Variants in CTNNA2 observed in about 807,000 individuals in gnomAD.
CTNNA2 encodes catenin alpha-2.
In CTNNA2, 42 loss-of-function variants were observed where a neutral mutation model predicts 101.0. That is an observed-to-expected ratio of 0.42 (90% CI 0.32 to 0.54). The LOEUF is 0.54. Among genes scored for constraint, CTNNA2 ranks in the 20% least tolerant of loss-of-function variants. CTNNA2 has a pLI of 0.14. For missense variants in CTNNA2, 871 were observed against 1,223.1 expected, an observed-to-expected ratio of 0.71 and a Z score of 4.29; for synonymous variants, 450 against 456.4, an observed-to-expected ratio of 0.99 and a Z score of 0.18.
At chr2:79,911,247 G>A (rs768420760) in intron 7 of CTNNA2, among the ~76,000 whole-genome samples, 39 of 152,234 alleles carry the variant, frequency 2.6e-4, no homozygotes, top group Non-Finnish European at 4.9e-4. Context: ...TTGTTTGTTC[G>A]TTGTTGTTGT....
chr2:79,772,761 C>T (rs935678983), intron 3 of CTNNA2, among the ~76,000 whole-genome samples: 1 of 152,138 alleles, frequency 6.6e-6, no homozygotes, highest in Non-Finnish European at 1.5e-5. Flanking sequence ...GACAGGGTCT[C>T]ACTATGTTGT....
chr2:80,121,889 A>G (rs1191579260), intron 7 of CTNNA2, among the ~76,000 whole-genome samples: 1 of 152,188 alleles, frequency 6.6e-6, no homozygotes, highest in Non-Finnish European at 1.5e-5. Flanking sequence ...TTGGAAGATC[A>G]GACATGCCCC....
chr2:79,537,821 T>A (rs577648113), intron 1 of CTNNA2, among the ~76,000 whole-genome samples: 4 of 151,774 alleles, frequency 2.6e-5, no homozygotes, highest in African/African-American at 9.7e-5. Flanking sequence ...AAGAGAAAGT[T>A]ATGCATACAA....
intron 7 of CTNNA2, among the ~76,000 whole-genome samples, chr2:80,368,417 T>G (rs992123629): frequency 6.6e-6 from 1 of 152,156 alleles, no homozygotes; most frequent in Non-Finnish European, 1.5e-5. Flanking sequence ...CTAATTCCCA[T>G]CATATAATCT....
At chr2:80,313,360 G>A (rs1677783333) in intron 7 of CTNNA2, 2 of 1,351,316 alleles carry the variant, frequency 1.5e-6, no homozygotes, top group South Asian at 3.9e-5. Context: ...TTGTAAGTCA[G>A]ATGGAATTTT....
chr2:79,638,076 G>C (rs1018738664), intron 1 of CTNNA2, among the ~76,000 whole-genome samples: 1 of 152,126 alleles, frequency 6.6e-6, no homozygotes, highest in Non-Finnish European at 1.5e-5. Context: ...CAGCATACCA[G>C]GACTTGATGA....
intron 4 of CTNNA2, among the ~76,000 whole-genome samples, chr2:79,384,395 TC>T: frequency 2.8e-5 from 2 of 72,102 alleles, no homozygotes; most frequent in African/African-American, 8.8e-5. Context: ...TCTCTCTCTC[TC>T]TCTCTCTCTC....
At chr2:79,797,219 T>C (rs926604907) in intron 3 of CTNNA2, among the ~76,000 whole-genome samples, 1 of 152,130 alleles carries the variant, frequency 6.6e-6, no homozygotes, top group Non-Finnish European at 1.5e-5. Context: ...ACATCCAGTA[T>C]AAAGTCAGGT....
intron 1 of CTNNA2, among the ~76,000 whole-genome samples, chr2:79,600,779 C>T (rs1359767980): frequency 6.6e-6 from 1 of 152,108 alleles, no homozygotes; most frequent in Non-Finnish European, 1.5e-5. Context: ...AAGGCAGCAG[C>T]AAATCCTATA....
At chr2:79,752,565 C>T (rs1402686561) in intron 3 of CTNNA2, among the ~76,000 whole-genome samples, 1 of 152,324 alleles carries the variant, frequency 6.6e-6, no homozygotes, top group African/African-American at 2.4e-5. Context: ...TAACTAGACT[C>T]TCTTTTGGTT....
chr2:79,561,699 T>C (rs1674791425), intron 1 of CTNNA2, among the ~76,000 whole-genome samples: 1 of 151,928 alleles, frequency 6.6e-6, no homozygotes, highest in Admixed American at 6.6e-5. Context: ...TGCATTTTTC[T>C]AGTATGACTC....
chr2:80,223,267 A>T (rs949116231), intron 7 of CTNNA2, among the ~76,000 whole-genome samples: 2 of 152,186 alleles, frequency 1.3e-5, no homozygotes, highest in Non-Finnish European at 2.9e-5. Flanking sequence ...CTTTTGGTCA[A>T]TAAAGCGATA....
At chr2:80,132,778 A>G (rs1005834104) in intron 7 of CTNNA2, among the ~76,000 whole-genome samples, 1 of 152,168 alleles carries the variant, frequency 6.6e-6, no homozygotes, top group Admixed American at 6.5e-5. Flanking sequence ...TATTTTGTTT[A>G]TGTATATTTG....
intron 7 of CTNNA2, among the ~76,000 whole-genome samples, chr2:80,018,655 C>G (rs2104084074): frequency 6.6e-6 from 1 of 152,118 alleles, no homozygotes; most frequent in Non-Finnish European, 1.5e-5. Context: ...GTGGCACGTG[C>G]CTGTAGTCCC....
chr2:80,615,135 G>A (rs1422234249), intron 17 of CTNNA2, among the ~76,000 whole-genome samples: 1 of 151,398 alleles, frequency 6.6e-6, no homozygotes, highest in East Asian at 1.9e-4. Context: ...TGGGGATTTT[G>A]TCATTGATTT....
chr2:80,198,648 G>A (rs1390043980), intron 7 of CTNNA2, among the ~76,000 whole-genome samples: 3 of 152,114 alleles, frequency 2.0e-5, no homozygotes, highest in Admixed American at 6.5e-5. Context: ...AATGCCACAA[G>A]ACAGAACAGT....
At chr2:80,238,844 G>A (rs1255481334) in intron 7 of CTNNA2, among the ~76,000 whole-genome samples, 3 of 152,134 alleles carry the variant, frequency 2.0e-5, no homozygotes, top group Non-Finnish European at 4.4e-5. Context: ...GGGAATTCAC[G>A]CCACAGGGAT....
At chr2:80,017,686 C>G (rs1230148095) in intron 7 of CTNNA2, among the ~76,000 whole-genome samples, 1 of 151,798 alleles carries the variant, frequency 6.6e-6, no homozygotes, top group East Asian at 1.9e-4. Flanking sequence ...AATGTGGTAT[C>G]CTTGTCTCGG....
intron 7 of CTNNA2, among the ~76,000 whole-genome samples, chr2:79,931,334 TTTTG>T (rs1223534962): frequency 6.6e-6 from 1 of 152,200 alleles, no homozygotes; most frequent in African/African-American, 2.4e-5. Flanking sequence ...AATGGGTTTC[TTTTG>T]TTTTTCTTTT....
Sources: allele counts gnomAD v4.1 joint callset (sites outside exome capture counted in the v4.1 genomes callset), GRCh38; gene constraint gnomAD v4.1.1; transcripts MANE v1.5; gene names NCBI Gene and HGNC (gene_info 2026-07-23, HGNC 2026-07-21).